SYT14: variants seen among roughly 807,000 people sequenced by gnomAD.
The protein encoded by SYT14 is synaptotagmin 14, also known as synaptotagmin-14.
In SYT14, 32 loss-of-function variants were observed where a neutral mutation model predicts 74.2. The observed-to-expected ratio is 0.43, with a 90% CI of 0.33 to 0.58. The LOEUF is 0.58. Among genes scored for constraint, SYT14 ranks in the 20% least tolerant of loss-of-function variants. The pLI, the probability that SYT14 is intolerant of heterozygous loss-of-function variation, is 0.05. For missense variants in SYT14, 791 were observed against 981.8 expected (o/e 0.81, Z 2.60); for synonymous variants, 298 against 337.7 (o/e 0.88, Z 1.29).
chr1:210,069,632 G>A (rs976881067), intron 5 of SYT14, among the ~76,000 whole-genome samples: 6 of 147,306 alleles, frequency 4.1e-5, no homozygotes, highest in Non-Finnish European at 9.0e-5. Context: ...TATTTGTTAA[G>A]TTATCTTTTT....
intron 3 of SYT14, among the ~76,000 whole-genome samples, chr1:210,014,416 GT>G (rs35527744): frequency 0.35 from 49,893 of 142,970 alleles, 9,237 homozygotes; most frequent in Non-Finnish European, 0.42. Context: ...TCCTTGGAGT[GT>G]TTTTTTTTTT....
chr1:210,139,265 C>CTTTTTTTTTTTTTTTTTTT (rs960923188), intron 7 of SYT14, among the ~76,000 whole-genome samples: 5 of 95,854 alleles, frequency 5.2e-5, no homozygotes, highest in Non-Finnish European at 1.0e-4. Context: ...TTTCTTTTTT[C>CTTTTTTTTTTTTTTTTTTT]TTTTTTTTTT....
chr1:210,124,916 G>A (rs184639900), intron 7 of SYT14, among the ~76,000 whole-genome samples: 1 of 151,542 alleles, frequency 6.6e-6, no homozygotes, highest in Non-Finnish European at 1.5e-5. Flanking sequence ...TTGAGATTCT[G>A]TAGCATTCTG....
intron 2 of SYT14, among the ~76,000 whole-genome samples, chr1:209,958,912 T>C (rs2079032767): frequency 6.6e-6 from 1 of 152,064 alleles, no homozygotes; most frequent in Non-Finnish European, 1.5e-5. Flanking sequence ...AAATGGACAA[T>C]AACAAGTGTT....
intron 2 of SYT14, among the ~76,000 whole-genome samples, chr1:209,994,614 C>T (rs1223806438): frequency 6.6e-6 from 1 of 152,062 alleles, no homozygotes; most frequent in Non-Finnish European, 1.5e-5. Context: ...TAGAGGTTGA[C>T]ATGTTAATCC....
chr1:210,015,897 A>G (rs2080173657), exon 4 of SYT14: 2 of 1,228,280 alleles, frequency 1.6e-6, no homozygotes, highest in South Asian at 8.5e-5. Flanking sequence ...TATTGAGCTG[A>G]CGAATAGCAA....
At chr1:210,051,606 G>C (rs369779613) in intron 5 of SYT14, among the ~76,000 whole-genome samples, 1 of 151,976 alleles carries the variant, frequency 6.6e-6, no homozygotes, top group Admixed American at 6.6e-5. Flanking sequence ...TGTGTGTCTT[G>C]TTATTTTCCC....
exon 10 of SYT14, chr1:210,163,447 T>C (rs1470677863): frequency 2.2e-6 from 1 of 453,704 alleles, no homozygotes; most frequent in Non-Finnish European, 4.4e-6. Context: ...TATATGAGTG[T>C]ATGTATCTGT....
At chr1:210,100,038 G>A (rs370207388) in exon 7 of SYT14, 35 of 1,613,716 alleles carry the variant, frequency 2.2e-5, no homozygotes, top group African/African-American at 9.4e-5. Flanking sequence ...GATCATCTTC[G>A]CAGCTTCCTA....
chr1:210,077,674 G>A (rs1187880027), intron 5 of SYT14, among the ~76,000 whole-genome samples: 2 of 151,994 alleles, frequency 1.3e-5, no homozygotes, highest in Non-Finnish European at 2.9e-5. Flanking sequence ...ACTGTTTTTT[G>A]AAATGATTGT....
At chr1:210,048,623 G>T (rs2080930385) in intron 5 of SYT14, among the ~76,000 whole-genome samples, 1 of 152,142 alleles carries the variant, frequency 6.6e-6, no homozygotes, top group Admixed American at 6.5e-5. Flanking sequence ...AATTCAAGAT[G>T]AGATTTGGGT....
At chr1:210,041,652 T>A (rs1379106082) in intron 5 of SYT14, among the ~76,000 whole-genome samples, 1 of 152,168 alleles carries the variant, frequency 6.6e-6, no homozygotes, top group Non-Finnish European at 1.5e-5. Context: ...TGTATTTGCT[T>A]ATTGTTAAAA....
intron 7 of SYT14, among the ~76,000 whole-genome samples, chr1:210,118,353 G>C (rs1237442305): frequency 6.6e-6 from 1 of 152,040 alleles, no homozygotes; most frequent in Non-Finnish European, 1.5e-5. Flanking sequence ...CTAGATTATG[G>C]ACATCCTGAA....
At chr1:210,153,006 G>T (rs929868658) in intron 7 of SYT14, among the ~76,000 whole-genome samples, 2 of 152,048 alleles carry the variant, frequency 1.3e-5, no homozygotes, top group Admixed American at 6.5e-5. Flanking sequence ...GTATGCCATT[G>T]TATGAACTCA....
At chr1:209,992,584 TG>T (rs1450473735) in intron 2 of SYT14, among the ~76,000 whole-genome samples, 1 of 152,146 alleles carries the variant, frequency 6.6e-6, no homozygotes, top group Admixed American at 6.5e-5. Context: ...ATGGGTACAG[TG>T]TATACTTATT....
At chr1:210,111,731 A>C (rs998205345) in intron 7 of SYT14, among the ~76,000 whole-genome samples, 11 of 151,172 alleles carry the variant, frequency 7.3e-5, no homozygotes, top group African/African-American at 2.7e-4. Flanking sequence ...AGTAAACAGA[A>C]GACACGAAGT....
intron 5 of SYT14, among the ~76,000 whole-genome samples, chr1:210,024,912 C>T (rs769134764): frequency 6.6e-6 from 1 of 150,966 alleles, no homozygotes; most frequent in Non-Finnish European, 1.5e-5. Flanking sequence ...TTCAGATAAA[C>T]CCCTTTGTCC....
At chr1:209,948,650 A>G (rs1485700105) in intron 1 of SYT14, among the ~76,000 whole-genome samples, 1 of 152,220 alleles carries the variant, frequency 6.6e-6, no homozygotes, top group Non-Finnish European at 1.5e-5. Flanking sequence ...AGGAAAAATC[A>G]ATATTTACTT....
intron 7 of SYT14, among the ~76,000 whole-genome samples, chr1:210,122,139 G>A (rs941011072): frequency 1.5e-5 from 1 of 66,980 alleles, no homozygotes; most frequent in Non-Finnish European, 2.6e-5. Context: ...CACTACGCCC[G>A]GCTAATTTTT....
Sources: gnomAD v4.1 joint callset for allele counts (sites outside exome capture counted in the v4.1 genomes callset) on GRCh38, gnomAD v4.1.1 for gene constraint, MANE v1.5 for transcripts, NCBI Gene and HGNC (gene_info 2026-07-23, HGNC 2026-07-21) for gene names.